The following ATG5 variants were observed in gnomAD, a reference collection of about 807,000 sequenced individuals.
ATG5 encodes autophagy related 5.
In ATG5, 14 loss-of-function variants were observed where a neutral mutation model predicts 36.5. That is an observed-to-expected ratio of 0.38 (90% CI 0.25 to 0.60). The LOEUF (loss-of-function observed/expected upper bound fraction) is 0.60, where lower values mean the gene tolerates loss of function less well. ATG5 is among the 20% of genes least tolerant of loss of function. The pLI is 0.60. For synonymous variants in ATG5, 95 were observed against 101.5 expected (o/e 0.94, Z 0.38); for missense variants, 195 against 326.7 (o/e 0.60, Z 3.11).
At position 106,257,913 on chromosome 6, in the gene ATG5, T is replaced by C. The variant is rs533397147; in HGVS notation, c.479-9669A>G. On this transcript the variant is annotated intron_variant, in intron 5 of 7. Coordinates refer to ENST00000369076, the MANE Select transcript of ATG5 (RefSeq NM_004849.4). ...TGTAGGACCTGTGTAGAGTGAAATC[T>C]ATCAAACCCCTTGCTCCCATTATGC... Among the ~76,000 whole-genome samples the C allele has an allele frequency of 7.2e-5, 11 of 152,306 alleles. No homozygotes were observed. In the South Asian group the frequency reaches 2.3e-3, roughly 32 times the overall value.
intron 1 of ATG5, among the ~76,000 whole-genome samples, chr6:106,318,564 A>C (rs1278927882): frequency 1.3e-5 from 2 of 152,210 alleles, no homozygotes; most frequent in Non-Finnish European, 2.9e-5. Context: ...AAAACTAGTG[A>C]AAGATAAATT....
intron 7 of ATG5, among the ~76,000 whole-genome samples, chr6:106,201,550 A>C (rs1043539816): frequency 7.9e-5 from 12 of 152,178 alleles, no homozygotes; most frequent in African/African-American, 2.9e-4. Flanking sequence ...AAAAAGTAGA[A>C]AGTAGTAGAA....
chr6:106,235,192 AC>A (rs1305221125), intron 6 of ATG5, among the ~76,000 whole-genome samples: 1 of 151,958 alleles, frequency 6.6e-6, no homozygotes, highest in African/African-American at 2.4e-5. Context: ...TCCTCTTTGG[AC>A]CCTGTATCTT....
intron 7 of ATG5, among the ~76,000 whole-genome samples, chr6:106,192,647 T>C (rs1451113192): frequency 6.6e-6 from 1 of 152,224 alleles, no homozygotes; most frequent in Non-Finnish European, 1.5e-5. Context: ...TCAAATGATA[T>C]AACCATTGTG....
chr6:106,258,593 G>A (rs1255368226), intron 5 of ATG5, among the ~76,000 whole-genome samples: 1 of 152,172 alleles, frequency 6.6e-6, no homozygotes, highest in East Asian at 1.9e-4. Flanking sequence ...GTAGAGAGGA[G>A]AAAATTGCAG....
intron 6 of ATG5, among the ~76,000 whole-genome samples, chr6:106,215,336 TCAAA>T (rs1336271930): frequency 1.3e-5 from 2 of 152,218 alleles, no homozygotes; most frequent in Non-Finnish European, 2.9e-5. Flanking sequence ...GTGGAGCTCT[TCAAA>T]CAGTCTCACC....
At chr6:106,280,170 T>C (rs1779824149) in intron 4 of ATG5, among the ~76,000 whole-genome samples, 1 of 151,478 alleles carries the variant, frequency 6.6e-6, no homozygotes, top group Non-Finnish European at 1.5e-5. Context: ...ATAACCACTT[T>C]GGAAAAGTCT....
chr6:106,254,641 G>C (rs992081398), intron 5 of ATG5, among the ~76,000 whole-genome samples: 4 of 152,220 alleles, frequency 2.6e-5, no homozygotes, highest in Admixed American at 6.5e-5. Flanking sequence ...GTTTTAGCAA[G>C]ACACTTACTG....
intron 5 of ATG5, among the ~76,000 whole-genome samples, chr6:106,268,163 C>T (rs1425681428): frequency 6.6e-6 from 1 of 151,808 alleles, no homozygotes; most frequent in East Asian, 1.9e-4. Flanking sequence ...CTAGAATCTA[C>T]AAGGAACTTA....
chr6:106,323,964 T>C (rs1253813106), intron 1 of ATG5, among the ~76,000 whole-genome samples: 1 of 152,208 alleles, frequency 6.6e-6, no homozygotes, highest in Non-Finnish European at 1.5e-5. Context: ...AGGGCTTCAG[T>C]GGCAGCTCCT....
At chr6:106,198,928 C>T (rs1313435394) in intron 7 of ATG5, among the ~76,000 whole-genome samples, 1 of 151,582 alleles carries the variant, frequency 6.6e-6, no homozygotes, top group East Asian at 1.9e-4. Context: ...GGAAACAATC[C>T]ATGAAAAAAA....
chr6:106,272,630 C>T (rs1358617765), intron 5 of ATG5, among the ~76,000 whole-genome samples: 1 of 152,208 alleles, frequency 6.6e-6, no homozygotes, highest in East Asian at 1.9e-4. Flanking sequence ...TAATGCCTGG[C>T]TCCTCTGCTA....
chr6:106,308,961 C>T (rs1582683593), intron 2 of ATG5, among the ~76,000 whole-genome samples: 1 of 152,046 alleles, frequency 6.6e-6, no homozygotes, highest in African/African-American at 2.4e-5. Flanking sequence ...AGAGAGAATG[C>T]TGAGCTAGGT....
intron 7 of ATG5, among the ~76,000 whole-genome samples, chr6:106,190,102 A>G (rs1775915768): frequency 2.0e-5 from 3 of 152,174 alleles, no homozygotes; most frequent in Admixed American, 2.0e-4. Context: ...TCCATATTCA[A>G]ATTTATCAAC....
At chr6:106,201,911 G>C in intron 7 of ATG5, 61 bp downstream of exon 7, 1 of 1,264,466 alleles carries the variant, frequency 7.9e-7, no homozygotes. Flanking sequence ...AATGTGGAAT[G>C]CTTATTTTAC....
intron 1 of ATG5, among the ~76,000 whole-genome samples, chr6:106,320,294 G>A (rs138918452): frequency 1.6e-4 from 24 of 152,252 alleles, no homozygotes; most frequent in African/African-American, 5.5e-4. Context: ...AGGAGGGGTT[G>A]GAGATATTAA....
chr6:106,317,092 C>G (rs779828567), intron 1 of ATG5, among the ~76,000 whole-genome samples: 2 of 152,190 alleles, frequency 1.3e-5, no homozygotes, highest in African/African-American at 2.4e-5. Context: ...GGCATAAGGA[C>G]ATGGCTTTTG....
intron 5 of ATG5, among the ~76,000 whole-genome samples, chr6:106,250,791 T>C (rs1778544266): frequency 6.6e-6 from 1 of 152,216 alleles, no homozygotes; most frequent in African/African-American, 2.4e-5. Context: ...CTCATAAAAG[T>C]AAACTGGAAA....
intron 5 of ATG5, 70 bp from the exon 6 acceptor site, chr6:106,248,314 T>A: frequency 8.6e-7 from 1 of 1,165,258 alleles, no homozygotes; most frequent in South Asian, 1.4e-5. Flanking sequence ...CATGAAGAGA[T>A]GAAAGTTTTA....
Sources: gnomAD v4.1 joint callset for allele counts (sites outside exome capture counted in the v4.1 genomes callset) on GRCh38, gnomAD v4.1.1 for gene constraint, MANE v1.5 for transcripts, NCBI Gene and HGNC (gene_info 2026-07-23, HGNC 2026-07-21) for gene names.